Variants in SFR1 observed in about 807,000 individuals in gnomAD.
The protein encoded by SFR1 is swi5-dependent recombination DNA repair protein 1 homolog.
In SFR1, 24 loss-of-function variants were observed where a neutral mutation model predicts 26.2. That is an observed-to-expected ratio of 0.92 (90% confidence interval 0.66 to 1.29). The LOEUF is 1.29. SFR1 is among the 50% of genes most tolerant of loss of function. The probability of loss-of-function intolerance (pLI) is 0.00; values close to 1 mark genes in which losing one functional copy is unlikely to be tolerated. For synonymous variants in SFR1, 77 were observed against 96.6 expected, an observed-to-expected ratio of 0.80 and a Z score of 1.19; for missense variants, 276 against 270.2, an observed-to-expected ratio of 1.02 and a Z score of -0.15.
intron 3 of SFR1, among the ~76,000 whole-genome samples, chr10:104,124,404 G>C (rs2087003757): frequency 6.6e-6 from 1 of 151,968 alleles, no homozygotes. Flanking sequence ...TTAAATGTTA[G>C]ATGCAAGTAC....
At chr10:104,122,487 G>A (rs2086975380) in intron 1 of SFR1, 1 of 985,416 alleles carries the variant, frequency 1.0e-6, no homozygotes, top group Non-Finnish European at 1.2e-6. Context: ...GGGCTTAAAT[G>A]CGTCTCCGCT....
In SFR1 at chr10:104,122,199, A is replaced by T. The variant is rs1474687422; in HGVS notation, c.13+3A>T. ...CTCGCTGGGAATGGCGGAGGGAGGT[A>T]CCCTGCTGAGGGGAAGGGGGGATCC... On this transcript the variant is annotated splice_donor_region_variant and intron_variant, in intron 1 of 3. Coordinates refer to ENST00000369727, the MANE Select transcript of SFR1 (RefSeq NM_001002759.2). The T allele has an allele frequency of 1.3e-6, 2 of 1,543,932 alleles. No individual in the cohort carries two copies. Among genetic ancestry groups the T allele is most frequent in the East Asian group, 2.5e-5 (1 of 40,080 alleles).
intron 2 of SFR1, 72 bp downstream of exon 2, chr10:104,123,158 T>A: frequency 8.4e-7 from 1 of 1,189,412 alleles, no homozygotes; most frequent in Non-Finnish European, 1.2e-6. Context: ...TGGTTTAAAT[T>A]CTACGGAAGG....
upstream of SFR1, chr10:104,122,112 C>T (rs1183035944): frequency 1.4e-5 from 22 of 1,527,966 alleles, no homozygotes; most frequent in East Asian, 5.0e-4. Flanking sequence ...TTCCGCCTAC[C>T]GCACGGCCCC....
chr10:104,125,341 G>A (rs1474424965), intron 3 of SFR1, among the ~76,000 whole-genome samples, 172 bp from the exon 4 acceptor site: 1 of 152,186 alleles, frequency 6.6e-6, no homozygotes, highest in Non-Finnish European at 1.5e-5. Flanking sequence ...CTCAAGTTGA[G>A]TGACATTGTA....
chr10:104,122,697 A>G (rs1246232163), intron 1 of SFR1: 1 of 1,375,410 alleles, frequency 7.3e-7, no homozygotes, highest in Non-Finnish European at 9.4e-7. Flanking sequence ...GAATTTGAAT[A>G]TATTTTGGTG....
At position 104,123,077 on chromosome 10, in the gene SFR1, C is replaced by G. The variant is rs1397373160; in HGVS notation, c.126C>G (p.Ser42=). The change falls in exon 2 of 4, where the codon TCC becomes TCG. Residue 42 remains serine, a synonymous_variant. Transcript: ENST00000369727. Reference sequence around the variant, plus strand: ...CATCATCTCCCTATACAAATAGTTCCCGAAAACAAGTATGAAAATCTTTGT... The same window carrying G: ...CATCATCTCCCTATACAAATAGTTCGCGAAAACAAGTATGAAAATCTTTGT... ...ANPSSPYTNS[S]RKQPMSATLR... is the part of the protein sequence containing the mutation. 6.4e-7 allele frequency: 1 copy of G among 1,563,182 alleles called. No homozygotes were observed. The highest frequency in any genetic ancestry group is 1.2e-5 in the South Asian group (1 of 83,260).
At chr10:104,124,754 A>C (rs2134707439) in intron 3 of SFR1, among the ~76,000 whole-genome samples, 1 of 152,208 alleles carries the variant, frequency 6.6e-6, no homozygotes, top group African/African-American at 2.4e-5. Context: ...GTTTTTAAAA[A>C]ATAAAATTTA....
chr10:104,123,162 C>T lies in SFR1; in HGVS notation c.135+76C>T, dbSNP rs183102953. The T allele has an allele frequency of 3.9e-4, 453 of 1,159,424 alleles. 3 individuals are homozygous for T. The highest frequency in any genetic ancestry group is 1.4e-4 in the Non-Finnish European group (112 of 819,230). The allele number at this position is 1,159,424 out of a possible 1,614,324, so 71.8% of individuals were successfully genotyped here. On this transcript the variant is annotated intron_variant, in intron 2 of 3. Transcript: ENST00000369727. ...TGTGGCAGTGGTGGTTTAAATTCTA[C>T]GGAAGGTTGTTAATTAACATAATGT...
Position 104,123,091 on chromosome 10 carries a change from G to GA in SFR1, c.135+9dup. On this transcript the variant is annotated splice_donor_region_variant and intron_variant, in intron 2 of 3. Coordinates refer to ENST00000369727, the MANE Select transcript of SFR1 (RefSeq NM_001002759.2). ...ACAAATAGTTCCCGAAAACAAGTAT[G>GA]AAAATCTTTGTTCTTCCAGTGGATC... The GA allele has an allele frequency of 6.4e-7, 1 of 1,553,230 alleles. No homozygotes were observed.
At position 104,122,191 on chromosome 10, in the gene SFR1, AG is replaced by A; in HGVS notation, c.11del (p.Gly4GlufsTer44). 6.5e-7 allele frequency: 1 copy of A among 1,546,690 alleles called. No individual in the cohort carries two copies. The highest frequency in any genetic ancestry group is 8.7e-7 in the Non-Finnish European group (1 of 1,145,204). MA[E>X]GEKNQDFTFK... ...TTTTTGCTCTCGCTGGGAATGGCGG[AG>A]GGAGGTACCCTGCTGAGGGGAAGGG... is the stretch of plus-strand genomic sequence containing the variant. On this transcript the variant is annotated frameshift_variant, in exon 1 of 4. Coordinates refer to ENST00000369727, the MANE Select transcript of SFR1 (RefSeq NM_001002759.2). LOFTEE classifies it high-confidence loss of function.
rs1390130296 is a variant in SFR1, at chr10:104,123,002, G to A, written c.51G>A (p.Pro17=). The change falls in exon 2 of 4, where the codon CCG becomes CCA. Residue 17 remains proline, a synonymous_variant. Transcript: ENST00000369727. The stretch of plus-strand genomic sequence containing the variant: ...ATTTCACTTTCAAGATGGAAAGTCC[G>A]TCAGACTCAGCTGTGGTTTTACCTA... ...NQDFTFKMES[P]SDSAVVLPST... 2.5e-6 allele frequency: 4 copies of A among 1,613,702 alleles called. No homozygotes were observed. The highest frequency in any genetic ancestry group is 1.7e-5 in the Admixed American group (1 of 60,028).
chr10:104,123,946 A>G lies in SFR1; in HGVS notation c.368A>G (p.Asn123Ser), dbSNP rs200737888. 497 of 1,613,836 alleles carry G rather than the reference A, an allele frequency of 3.1e-4. No homozygotes were observed. The highest frequency in any genetic ancestry group is 1.1e-4 in the East Asian group (5 of 44,840). Reference protein sequence around the residue: ...TNLKNTLKNLNVCESQSLDSG... With the variant: ...TNLKNTLKNLSVCESQSLDSG... ...TTGAAAAATACTTTGAAGAATCTCA[A>G]TGTCTGTGAATCTCAGTCACTTGAT... is the stretch of plus-strand genomic sequence containing the variant. Residue 123 changes from asparagine to serine, a missense_variant, in exon 3 of 4, where the codon AAT (asparagine) becomes AGT (serine). Physicochemically the swap from Asn to Ser is conservative, Grantham distance 46. Transcript: ENST00000369727.
rs1282368441 is a variant in SFR1 at position 104,124,037 on chromosome 10, C to T, written c.459C>T (p.Asn153=). ...AGAAGCTTCCTAAACAAAGATTAAA[C>T]GCTGAAAAAGCCAAATTGGTGAAGC... ...VSEKLPKQRL[N]AEKAKLVKQV... The change falls in exon 3 of 4, where the codon AAC becomes AAT. Residue 153 remains asparagine (N), a synonymous_variant. Transcript: ENST00000369727. 3 of 1,613,952 alleles carry T rather than the reference C, an allele frequency of 1.9e-6. No individual in the cohort carries two copies. Among genetic ancestry groups the T allele is most frequent in the Non-Finnish European group, 2.5e-6 (3 of 1,179,936 alleles).
rs779733154 is a variant in SFR1 at position 104,124,140 on chromosome 10, G to C, written c.546+16G>C. 18 of 1,483,426 alleles carry C rather than the reference G, an allele frequency of 1.2e-5. No homozygotes were observed. The highest frequency in any genetic ancestry group is 1.8e-4 in the Middle Eastern group (1 of 5,498). The allele number at this position is 1,483,426 out of a possible 1,614,324, so 91.9% of individuals were successfully genotyped here. On this transcript the variant is annotated intron_variant, in intron 3 of 3. Coordinates refer to ENST00000369727, the MANE Select transcript of SFR1 (RefSeq NM_001002759.2). ...TAGATCAAAGGTGAGAAGAATTTCAGGACCATTGCATAATTTTTATTTTTA... is the reference window on the plus strand; with the variant it reads ...TAGATCAAAGGTGAGAAGAATTTCACGACCATTGCATAATTTTTATTTTTA...
upstream of SFR1, chr10:104,122,018 A>G: frequency 1.4e-6 from 1 of 701,042 alleles, no homozygotes; most frequent in Non-Finnish European, 2.3e-6. Context: ...CCGCTGGCGG[A>G]GGCGCGCGCG....
At chr10:104,123,173 T>A in intron 2 of SFR1, 87 bp downstream of exon 2, 1 of 1,030,296 alleles carries the variant, frequency 9.7e-7, no homozygotes, top group Non-Finnish European at 1.4e-6. Flanking sequence ...GGAAGGTTGT[T>A]AATTAACATA....
chr10:104,122,477 G>C, intron 1 of SFR1: 2 of 985,420 alleles, frequency 2.0e-6, no homozygotes, highest in Non-Finnish European at 2.4e-6. Context: ...GGCTACAGAC[G>C]GGCTTAAATG....
chr10:104,123,931 C>T lies in SFR1; in HGVS notation c.353C>T (p.Thr118Ile), dbSNP rs2086997302. The T allele has an allele frequency of 2.5e-6, 4 of 1,613,212 alleles. No homozygotes were observed. Among genetic ancestry groups the T allele is most frequent in the Admixed American group, 3.3e-5 (2 of 59,848 alleles). The change falls in exon 3 of 4, where the codon ACT becomes ATT. Residue 118 changes from threonine to isoleucine, a missense_variant. By Grantham distance (89) the Thr-to-Ile change is moderately conservative. Coordinates refer to ENST00000369727, the MANE Select transcript of SFR1 (RefSeq NM_001002759.2). ...EFEENTNLKN[T>I]LKNLNVCESQ... ...GAAGAAAATACAAATTTGAAAAATA[C>T]TTTGAAGAATCTCAATGTCTGTGAA...
Sources: allele counts gnomAD v4.1 joint callset (sites outside exome capture counted in the v4.1 genomes callset), GRCh38; gene constraint gnomAD v4.1.1; transcripts MANE v1.5; gene names NCBI Gene and HGNC (gene_info 2026-07-23, HGNC 2026-07-21).